Variants in ADGRA1 observed in about 807,000 individuals in gnomAD.
ADGRA1 encodes the protein adhesion G protein-coupled receptor A1.
ADGRA1 carries 12 observed loss-of-function variants against 21.3 expected under a neutral mutation model. The observed-to-expected ratio is 0.56, with a 90% CI of 0.36 to 0.91. ADGRA1 has a LOEUF of 0.91. Ranked by LOEUF, ADGRA1 falls within the 40% of genes least tolerant of loss-of-function variation. The pLI, the probability that ADGRA1 is intolerant of heterozygous loss-of-function variation, is 0.01. For missense variants in ADGRA1, 790 were observed against 805.6 expected (o/e 0.98, Z 0.23); for synonymous variants, 385 against 368.8 (o/e 1.04, Z -0.50).
At chr10:133,113,861 C>T (rs1323290248) in intron 5 of ADGRA1, among the ~76,000 whole-genome samples, 1 of 152,240 alleles carries the variant, frequency 6.6e-6, no homozygotes, top group Non-Finnish European at 1.5e-5. Context: ...CCTGTGGACC[C>T]TCGGACGTCA....
intron 5 of ADGRA1, among the ~76,000 whole-genome samples, chr10:133,117,069 A>G (rs1184882473): frequency 1.3e-5 from 2 of 152,088 alleles, no homozygotes; most frequent in Non-Finnish European, 2.9e-5. Context: ...AGGTGCTCTC[A>G]TGGAGGCACA....
intron 5 of ADGRA1, among the ~76,000 whole-genome samples, chr10:133,116,949 C>T (rs555590449): frequency 1.3e-5 from 2 of 152,214 alleles, no homozygotes; most frequent in Non-Finnish European, 2.9e-5. Flanking sequence ...GGGTAAAGGG[C>T]GATGGGGACG....
intron 5 of ADGRA1, among the ~76,000 whole-genome samples, chr10:133,111,347 G>GGA (rs1852000903): frequency 1.9e-5 from 1 of 53,150 alleles, no homozygotes; most frequent in Non-Finnish European, 3.4e-5. Context: ...CCCACCACAG[G>GGA]CACCTCCCTC....
intron 5 of ADGRA1, among the ~76,000 whole-genome samples, 156 bp downstream of exon 5, chr10:133,102,998 C>T (rs979962365): frequency 4.2e-5 from 6 of 142,080 alleles, no homozygotes; most frequent in Admixed American, 3.5e-4. Context: ...GGGTGGAGAG[C>T]GGGCGACGGA....
chr10:133,089,022 G>A (rs190791010), intron 2 of ADGRA1, 110 bp downstream of exon 2: 2 of 1,234,532 alleles, frequency 1.6e-6, no homozygotes, highest in East Asian at 3.2e-5. Flanking sequence ...TGGCGAGCTG[G>A]TGACCGGGCT....
At chr10:133,122,225 C>T (rs534874724) in intron 5 of ADGRA1, among the ~76,000 whole-genome samples, 8 of 152,352 alleles carry the variant, frequency 5.3e-5, no homozygotes, top group South Asian at 2.1e-4. Context: ...AGGACCTTTT[C>T]GCTCAGGCTG....
At chr10:133,115,707 C>T (rs556380347) in intron 5 of ADGRA1, among the ~76,000 whole-genome samples, 37 of 152,288 alleles carry the variant, frequency 2.4e-4, no homozygotes, top group African/African-American at 7.0e-4. Context: ...CCTCCCGGGC[C>T]CCTTGAACCA....
At chr10:133,121,850 C>G (rs1242078870) in intron 5 of ADGRA1, among the ~76,000 whole-genome samples, 1 of 102,532 alleles carries the variant, frequency 9.8e-6, no homozygotes, top group Non-Finnish European at 2.0e-5. Flanking sequence ...TGTGCCTGTG[C>G]GTGTGTGAAT....
At chr10:133,102,501 G>T (rs575845352) in intron 4 of ADGRA1, among the ~76,000 whole-genome samples, 196 bp from the exon 5 acceptor site, 1 of 152,224 alleles carries the variant, frequency 6.6e-6, no homozygotes, top group African/African-American at 2.4e-5. Context: ...AAGCTGAGCC[G>T]CTCAAGGGTC....
intron 2 of ADGRA1, among the ~76,000 whole-genome samples, chr10:133,094,658 T>C (rs952713964): frequency 1.3e-5 from 2 of 151,938 alleles, no homozygotes; most frequent in African/African-American, 4.8e-5. Context: ...GGACACAGAG[T>C]GGACCCCACT....
At chr10:133,098,046 A>C (rs529724868) in intron 3 of ADGRA1, among the ~76,000 whole-genome samples, 1 of 152,292 alleles carries the variant, frequency 6.6e-6, no homozygotes, top group South Asian at 2.1e-4. Flanking sequence ...GGCTGTGATT[A>C]TGGGGAGAGG....
At chr10:133,116,622 CGAT>C (rs1852164861) in intron 5 of ADGRA1, among the ~76,000 whole-genome samples, 1 of 151,978 alleles carries the variant, frequency 6.6e-6, no homozygotes, top group African/African-American at 2.4e-5. Context: ...GGGCCTCTCA[CGAT>C]GAAGAGACGC....
chr10:133,119,469 G>A (rs1177855702), intron 5 of ADGRA1, among the ~76,000 whole-genome samples: 3 of 152,182 alleles, frequency 2.0e-5, no homozygotes, highest in African/African-American at 4.8e-5. Context: ...TCTGTAGCAC[G>A]TGGTGCTGTT....
chr10:133,111,060 CTCCTAA>C, intron 5 of ADGRA1, among the ~76,000 whole-genome samples: 1 of 151,500 alleles, frequency 6.6e-6, no homozygotes, highest in Non-Finnish European at 1.5e-5. Context: ...GACACCTGCC[CTCCTAA>C]TCCTGCCAAG....
In ADGRA1 at chr10:133,130,932, T is replaced by C. The variant is rs1020274233; in HGVS notation, c.*1421T>C. On this transcript the variant is annotated 3_prime_UTR_variant, in exon 7 of 7. Transcript: ENST00000392607. ...CACACTTGCACCTGCTGTGCACATG[T>C]GCACACACACGTAGTAGTGTGTTTT... The C allele has an allele frequency of 2.0e-5, 3 of 152,216 alleles. No homozygotes were observed. Among genetic ancestry groups the C allele is most frequent in the Admixed American group, 6.5e-5 (1 of 15,274 alleles). The allele number at this position is 152,216 out of a possible 1,614,324, so 9.4% of individuals were successfully genotyped here. A position where few individuals can be genotyped will look rare whatever the true frequency, so the allele number is the denominator to read the frequency against.
At chr10:133,116,362 C>G (rs1852158805) in intron 5 of ADGRA1, among the ~76,000 whole-genome samples, 1 of 152,132 alleles carries the variant, frequency 6.6e-6, no homozygotes, top group Non-Finnish European at 1.5e-5. Context: ...CTTCACTGTC[C>G]CTCAATCCCA....
chr10:133,098,349 G>A (rs143552750), intron 3 of ADGRA1, among the ~76,000 whole-genome samples: 9 of 152,298 alleles, frequency 5.9e-5, no homozygotes, highest in Non-Finnish European at 1.3e-4. Flanking sequence ...TGGAGTCTCA[G>A]GGCCTCGGTG....
At chr10:133,106,910 G>A (rs1255320758) in intron 5 of ADGRA1, among the ~76,000 whole-genome samples, 4 of 152,248 alleles carry the variant, frequency 2.6e-5, no homozygotes, top group African/African-American at 9.6e-5. Flanking sequence ...AGTCACGATT[G>A]CATCTGAAGG....
chr10:133,121,951 TTG>T (rs1454750501), intron 5 of ADGRA1, among the ~76,000 whole-genome samples: 3 of 147,632 alleles, frequency 2.0e-5, no homozygotes, highest in Non-Finnish European at 3.0e-5. Flanking sequence ...GTGAGTGTGC[TTG>T]TGTGAGTGTG....
Sources: allele counts gnomAD v4.1 joint callset (sites outside exome capture counted in the v4.1 genomes callset), GRCh38; gene constraint gnomAD v4.1.1; transcripts MANE v1.5; gene names NCBI Gene and HGNC (gene_info 2026-07-23, HGNC 2026-07-21).